PCDH11Y: variants seen among roughly 807,000 people sequenced by gnomAD.
PCDH11Y encodes protocadherin 11 Y-linked, also known as protocadherin-11 Y-linked.
For missense variants in PCDH11Y, 12 were observed against 224.8 expected (o/e 0.05, Z 6.05); for synonymous variants, 9 against 83.6 (o/e 0.11, Z 4.87).
chrY:5,057,376 G>A, exon 1 of PCDH11Y: 1 of 394,869 alleles, frequency 2.5e-6, no homozygotes, highest in Admixed American at 7.8e-5. Flanking sequence ...AGAGAACTCG[G>A]CTATAAACTC....
At chrY:5,523,564 A>G (rs2053383445) in intron 3 of PCDH11Y, among the ~76,000 whole-genome samples, 1 of 30,519 alleles carries the variant, frequency 3.3e-5, no homozygotes, top group Admixed American at 3.1e-4. Flanking sequence ...TTCTCCTCCT[A>G]TTGCTTTCTG....
At chrY:5,171,921 A>C in intron 2 of PCDH11Y, among the ~76,000 whole-genome samples, 2 of 32,920 alleles carry the variant, frequency 6.1e-5, no homozygotes, top group African/African-American at 2.4e-4. Context: ...GGACTGTGGG[A>C]TAAGTGATGG....
At chrY:5,345,402 C>T in intron 2 of PCDH11Y, among the ~76,000 whole-genome samples, 1 of 33,145 alleles carries the variant, frequency 3.0e-5, no homozygotes, top group African/African-American at 1.2e-4. Flanking sequence ...ATGTTTTAAT[C>T]ATAAAGTCTT....
intron 1 of PCDH11Y, among the ~76,000 whole-genome samples, chrY:5,071,016 G>A (rs2052698829): frequency 3.2e-5 from 1 of 31,147 alleles, no homozygotes; most frequent in Non-Finnish European, 7.8e-5. Context: ...TTAAAAATCC[G>A]TATTTACCAA....
intron 4 of PCDH11Y, among the ~76,000 whole-genome samples, chrY:5,646,829 A>G: frequency 3.1e-5 from 1 of 32,555 alleles, no homozygotes; most frequent in South Asian, 6.8e-4. Flanking sequence ...ATTTACTATA[A>G]TAAGCTAGAA....
At chrY:5,599,456 C>T (rs2557189) in intron 4 of PCDH11Y, among the ~76,000 whole-genome samples, 1 of 32,880 alleles carries the variant, frequency 3.0e-5, no homozygotes, top group Non-Finnish European at 7.5e-5. Flanking sequence ...CTAATAGTTT[C>T]GATTTTTTCA....
At chrY:5,420,049 T>G in intron 2 of PCDH11Y, among the ~76,000 whole-genome samples, 1 of 32,933 alleles carries the variant, frequency 3.0e-5, no homozygotes, top group Non-Finnish European at 7.4e-5. Context: ...AAATCATGAT[T>G]GAATGACAGA....
At chrY:5,205,603 A>G (rs2052931080) in intron 2 of PCDH11Y, among the ~76,000 whole-genome samples, 20 of 25,750 alleles carry the variant, frequency 7.8e-4, no homozygotes, top group Non-Finnish European at 3.5e-4. Flanking sequence ...TACACTGAAT[A>G]TATTTATATA....
At chrY:5,115,795 C>T (rs2052808773) in intron 2 of PCDH11Y, among the ~76,000 whole-genome samples, 1 of 19,045 alleles carries the variant, frequency 5.3e-5, no homozygotes, top group Non-Finnish European at 1.1e-4. Context: ...GGCTGGAGTG[C>T]AGTGGTGCGA....
intron 2 of PCDH11Y, among the ~76,000 whole-genome samples, chrY:5,422,149 A>G: frequency 3.2e-5 from 1 of 30,896 alleles, no homozygotes; most frequent in African/African-American, 1.3e-4. Context: ...TTATATTTCT[A>G]TACATTAAAA....
At chrY:5,444,408 T>C in intron 2 of PCDH11Y, among the ~76,000 whole-genome samples, 1 of 32,709 alleles carries the variant, frequency 3.1e-5, no homozygotes, top group Non-Finnish European at 7.6e-5. Flanking sequence ...TCAACCTAAT[T>C]AAAAATGTTA....
intron 2 of PCDH11Y, among the ~76,000 whole-genome samples, chrY:5,203,467 T>A: frequency 2.7e-4 from 9 of 32,799 alleles, no homozygotes; most frequent in African/African-American, 1.1e-3. Flanking sequence ...GTATATGATA[T>A]GTGTAATTCA....
At chrY:5,328,859 G>A in intron 2 of PCDH11Y, among the ~76,000 whole-genome samples, 1 of 31,586 alleles carries the variant, frequency 3.2e-5, no homozygotes, top group East Asian at 8.6e-4. Flanking sequence ...TGTAGAAAAG[G>A]AAGATTAGAA....
At chrY:5,087,803 A>G (rs2052734034) in intron 1 of PCDH11Y, among the ~76,000 whole-genome samples, 48 of 32,002 alleles carry the variant, frequency 1.5e-3, no homozygotes, top group Non-Finnish European at 3.2e-3. Flanking sequence ...TGAGAATTCA[A>G]ATTTGGACCA....
At chrY:5,373,126 CCTTT>C (rs1556030828) in intron 2 of PCDH11Y, among the ~76,000 whole-genome samples, 6 of 860 alleles carry the variant, frequency 7.0e-3, no homozygotes, top group African/African-American at 0.026. Flanking sequence ...CTCCCTCCCT[CCTTT>C]CTTTCTTTCT....
At chrY:5,541,743 C>T (rs1602940664) in intron 3 of PCDH11Y, among the ~76,000 whole-genome samples, 4 of 21,972 alleles carry the variant, frequency 1.8e-4, no homozygotes, top group Admixed American at 5.1e-4. Flanking sequence ...TTCTTTCTTT[C>T]TTTCTTTCTT....
At chrY:5,640,693 G>A in intron 4 of PCDH11Y, among the ~76,000 whole-genome samples, 1 of 33,181 alleles carries the variant, frequency 3.0e-5, no homozygotes, top group Middle Eastern at 0.014. Flanking sequence ...AGGCTTTGAT[G>A]TTCCATTTAT....
At chrY:5,344,356 G>A in intron 2 of PCDH11Y, among the ~76,000 whole-genome samples, 1 of 33,035 alleles carries the variant, frequency 3.0e-5, no homozygotes, top group Non-Finnish European at 7.4e-5. Context: ...GTTTATCTGT[G>A]AGGTAAATCA....
intron 2 of PCDH11Y, among the ~76,000 whole-genome samples, chrY:5,111,602 T>C (rs2052802686): frequency 3.0e-5 from 1 of 33,658 alleles, no homozygotes. Flanking sequence ...AGAATGATAT[T>C]GTAAATAGTT....
Sources: gnomAD v4.1 joint callset for allele counts (sites outside exome capture counted in the v4.1 genomes callset) on GRCh38, gnomAD v4.1.1 for gene constraint, MANE v1.5 for transcripts, NCBI Gene and HGNC (gene_info 2026-07-23, HGNC 2026-07-21) for gene names.